The following PTPRN2 variants were observed in gnomAD, a reference collection of about 807,000 sequenced individuals.
The protein encoded by PTPRN2 is receptor-type tyrosine-protein phosphatase N2.
A neutral mutation model predicts 118.8 loss-of-function variants in PTPRN2; 74 were observed. The observed-to-expected ratio is 0.62, with a 90% CI of 0.52 to 0.76. PTPRN2 has a LOEUF of 0.76. PTPRN2 is among the 30% of genes least tolerant of loss of function. The probability of loss-of-function intolerance (pLI) is 0.00; values close to 1 mark genes in which losing one functional copy is unlikely to be tolerated. For missense variants in PTPRN2, 1,481 were observed against 1,394.4 expected (o/e 1.06, Z -0.99); for synonymous variants, 641 against 608.0 (o/e 1.05, Z -0.80).
chr7:157,718,352 T>C (rs972175729), intron 12 of PTPRN2, among the ~76,000 whole-genome samples: 1 of 152,222 alleles, frequency 6.6e-6, no homozygotes, highest in Non-Finnish European at 1.5e-5. Flanking sequence ...GAATGAGCTC[T>C]TCAAGCACGG....
In PTPRN2 at chr7:157,733,912, G is replaced by A. The variant is rs1355127339; in HGVS notation, c.1789-50975C>T. Among the ~76,000 whole-genome samples, 8 of 43,282 alleles carry A rather than the reference G, an allele frequency of 1.8e-4. 2 individuals are homozygous for A. The highest frequency in any genetic ancestry group is 8.5e-4 in the South Asian group (1 of 1,172). The allele number at this position is 43,282 out of a possible 152,430, so 28.4% of individuals were successfully genotyped here. On this transcript the variant is annotated intron_variant, in intron 12 of 22. Coordinates refer to ENST00000389418, the MANE Select transcript of PTPRN2 (RefSeq NM_002847.5). ...GCGCCCAGCACAGTTACCCTTTTCC[G>A]TCCCAGGCGCCCAGCACAGTTACCC...
At chr7:157,592,381 G>A (rs1435674701) in intron 17 of PTPRN2, among the ~76,000 whole-genome samples, 5 of 152,260 alleles carry the variant, frequency 3.3e-5, no homozygotes, top group African/African-American at 1.2e-4. Flanking sequence ...AGAGCTTCAT[G>A]TAGGACCCAG....
rs1810016742 is a variant in PTPRN2 at position 158,058,612 on chromosome 7, TGCCC to T, written c.1723+22682_1723+22685del. ...GACATCACTGCAGCCACACTCCATC[TGCCC>T]ACGGTGACACATCACTGCAGCCACG... On this transcript the variant is annotated intron_variant, in intron 11 of 22. Coordinates refer to ENST00000389418, the MANE Select transcript of PTPRN2 (RefSeq NM_002847.5). 3.2e-5 allele frequency among the ~76,000 whole-genome samples: 3 copies of T among 92,358 alleles called. 1 individual carries two copies. Among genetic ancestry groups the T allele is most frequent in the African/African-American group, 1.4e-4 (3 of 20,824 alleles). 60.6% of individuals were successfully genotyped at this position (92,358 alleles called of 152,430 possible). A position where few individuals can be genotyped will look rare whatever the true frequency, so the allele number is the denominator to read the frequency against.
At chr7:158,305,131 C>T (rs1026023138) in intron 3 of PTPRN2, among the ~76,000 whole-genome samples, 9 of 152,100 alleles carry the variant, frequency 5.9e-5, no homozygotes, top group Non-Finnish European at 1.0e-4. Context: ...TAAGGTGTGT[C>T]CAAACACCCC....
intron 12 of PTPRN2, among the ~76,000 whole-genome samples, chr7:157,750,147 T>C (rs1009276536): frequency 2.6e-5 from 4 of 152,116 alleles, no homozygotes; most frequent in Admixed American, 2.0e-4. Flanking sequence ...CTGATCCTTC[T>C]TCGTAATGTG....
At chr7:158,078,290 AG>A (rs1812532038) in intron 11 of PTPRN2, among the ~76,000 whole-genome samples, 4 of 152,190 alleles carry the variant, frequency 2.6e-5, no homozygotes, top group Non-Finnish European at 4.4e-5. Context: ...CAGGCCCTTG[AG>A]GGAACCAGAC....
chr7:158,059,322 A>G lies in PTPRN2; in HGVS notation c.1723+21976T>C, dbSNP rs371551782. On this transcript the variant is annotated intron_variant, in intron 11 of 22. Transcript: ENST00000389418. The stretch of plus-strand genomic sequence containing the variant: ...CTGCAGCCACACTCCATCTGCACAC[A>G]GTGACGCATCACTGCAGCCACACTC... Among the ~76,000 whole-genome samples the G allele has an allele frequency of 5.0e-3, 575 of 115,180 alleles. 9 individuals are homozygous for G. Among genetic ancestry groups the G allele is most frequent in the Middle Eastern group, 0.011 (2 of 174 alleles). The allele number at this position is 115,180 out of a possible 152,430, so 75.6% of individuals were successfully genotyped here.
Position 158,343,430 on chromosome 7 carries a change from T to C in PTPRN2, c.164-26498A>G, listed in dbSNP as rs150270118. On this transcript the variant is annotated intron_variant, in intron 2 of 22. Coordinates refer to ENST00000389418, the MANE Select transcript of PTPRN2 (RefSeq NM_002847.5). ...AAAATAACGCGTGTGGGTGAGAACATGGAGAAAATAGGGCCCTGTGCTCCG... is the reference window on the plus strand; with the variant it reads ...AAAATAACGCGTGTGGGTGAGAACACGGAGAAAATAGGGCCCTGTGCTCCG... 1.3e-3 allele frequency among the ~76,000 whole-genome samples: 194 copies of C among 152,160 alleles called. 1 individual carries two copies. Among genetic ancestry groups the C allele is most frequent in the African/African-American group, 4.4e-3 (183 of 41,506 alleles).
chr7:158,320,769 A>C (rs1176241254), intron 2 of PTPRN2, among the ~76,000 whole-genome samples: 1 of 152,206 alleles, frequency 6.6e-6, no homozygotes, highest in Non-Finnish European at 1.5e-5. Context: ...CTCAGCAATA[A>C]GGCTTGTTGA....
chr7:158,024,851 G>T (rs1232524698), intron 11 of PTPRN2, among the ~76,000 whole-genome samples: 1 of 152,168 alleles, frequency 6.6e-6, no homozygotes, highest in Non-Finnish European at 1.5e-5. Context: ...ACTGCACTTA[G>T]AAAAATGTCA....
chr7:157,791,530 G>GC (rs1804495639), intron 12 of PTPRN2, among the ~76,000 whole-genome samples: 1 of 127,126 alleles, frequency 7.9e-6, no homozygotes, highest in South Asian at 2.5e-4. Flanking sequence ...CCCTGCACCC[G>GC]CCCCCGCTCC....
intron 11 of PTPRN2, among the ~76,000 whole-genome samples, chr7:158,071,266 TGGTG>T (rs1811477218): frequency 2.2e-5 from 1 of 46,100 alleles, no homozygotes; most frequent in South Asian, 9.2e-4. Context: ...GTGCCCGTGG[TGGTG>T]GAGGTGCCCG....
chr7:157,620,505 C>T (rs578095885), intron 15 of PTPRN2, among the ~76,000 whole-genome samples: 10 of 152,190 alleles, frequency 6.6e-5, no homozygotes, highest in South Asian at 4.1e-4. Flanking sequence ...TGTGTGCCTG[C>T]GACGTACCGG....
At chr7:157,946,920 C>T (rs115558740) in intron 11 of PTPRN2, among the ~76,000 whole-genome samples, 157 of 152,282 alleles carry the variant, frequency 1.0e-3, no homozygotes, top group African/African-American at 3.6e-3. Context: ...TGCCTTGAAT[C>T]GTCTGAGGGT....
chr7:158,139,982 C>CAGGAAGTACTGGGAGGAACCA (rs1554553743), intron 6 of PTPRN2, among the ~76,000 whole-genome samples: 1 of 151,980 alleles, frequency 6.6e-6, no homozygotes, highest in African/African-American at 2.4e-5. Flanking sequence ...GGCCTGCACA[C>CAGGAAGTACTGGGAGGAACCA]AGGCTGAAGA....
At chr7:158,082,384 A>T (rs1031535895) in intron 10 of PTPRN2, among the ~76,000 whole-genome samples, 2 of 152,180 alleles carry the variant, frequency 1.3e-5, no homozygotes, top group African/African-American at 2.4e-5. Flanking sequence ...TGTATTTTTG[A>T]TTCAGACATC....
At chr7:157,925,790 G>A (rs937182711) in intron 11 of PTPRN2, among the ~76,000 whole-genome samples, 7 of 150,314 alleles carry the variant, frequency 4.7e-5, no homozygotes, top group Admixed American at 1.3e-4. Context: ...AAACGACGCT[G>A]AATCACCAGC....
At chr7:158,516,581 C>A (rs1823578065) in intron 1 of PTPRN2, among the ~76,000 whole-genome samples, 1 of 151,906 alleles carries the variant, frequency 6.6e-6, no homozygotes, top group African/African-American at 2.4e-5. Context: ...GGTGCTCCTG[C>A]CTATTGTTCT....
intron 1 of PTPRN2, among the ~76,000 whole-genome samples, chr7:158,521,749 CGGGTAGTGGCTCGGGAGGG>C (rs1824084462): frequency 1.2e-5 from 1 of 84,280 alleles, no homozygotes; most frequent in Non-Finnish European, 2.6e-5. Context: ...GTGGACTGTC[CGGGTAGTGGCTCGGGAGGG>C]AGGTCCACGT....
Sources: allele counts gnomAD v4.1 joint callset (sites outside exome capture counted in the v4.1 genomes callset), GRCh38; gene constraint gnomAD v4.1.1; transcripts MANE v1.5; gene names NCBI Gene and HGNC (gene_info 2026-07-23, HGNC 2026-07-21).